Variants in BRD10 observed in about 807,000 individuals in gnomAD.
The protein encoded by BRD10 is uncharacterized bromodomain-containing protein 10.
the BRD10 span, among the ~76,000 whole-genome samples, chr9:5,993,312 T>TTA: frequency 8.6e-6 from 1 of 116,676 alleles, no homozygotes; most frequent in Non-Finnish European, 1.6e-5. Flanking sequence ...GAGACTCCAT[T>TTA]AAAAAAAAAA....
chr9:5,968,498 T>A, the BRD10 span: 4 of 1,611,418 alleles, frequency 2.5e-6, no homozygotes, highest in Non-Finnish European at 3.4e-6. Flanking sequence ...TTTTTTAATT[T>A]CACAAGGCCT....
chr9:5,921,082 A>G, the BRD10 span: 12 of 1,613,938 alleles, frequency 7.4e-6, no homozygotes, highest in Non-Finnish European at 1.0e-5. Context: ...ATTCATTAAC[A>G]GGGGTAATAT....
chr9:5,922,732 C>G, the BRD10 span: 2 of 1,613,994 alleles, frequency 1.2e-6, no homozygotes, highest in East Asian at 4.5e-5. Flanking sequence ...CCACCATAGG[C>G]TGCACCTGAA....
the BRD10 span, among the ~76,000 whole-genome samples, chr9:5,937,549 TAAAA>T: frequency 6.6e-6 from 1 of 151,624 alleles, no homozygotes; most frequent in African/African-American, 2.4e-5. Flanking sequence ...AAAAAGAAAA[TAAAA>T]AGAAAAAGAA....
At chr9:5,927,876 C>A in the BRD10 span, among the ~76,000 whole-genome samples, 1 of 151,880 alleles carries the variant, frequency 6.6e-6, no homozygotes, top group African/African-American at 2.4e-5. Flanking sequence ...TGATTTCTAC[C>A]AGCCTTATGT....
At chr9:5,921,527 A>C in the BRD10 span, 18 of 1,613,772 alleles carry the variant, frequency 1.1e-5, no homozygotes, top group Non-Finnish European at 1.4e-5. Flanking sequence ...TGTCATATTA[A>C]TTGCAGTTCC....
the BRD10 span, among the ~76,000 whole-genome samples, chr9:5,985,471 AG>A: frequency 2.2e-4 from 33 of 152,326 alleles, no homozygotes; most frequent in East Asian, 3.9e-3. Context: ...TATCTGACAA[AG>A]GGCTTATATC....
chr9:5,988,345 C>G, the BRD10 span: 1 of 1,606,354 alleles, frequency 6.2e-7, no homozygotes, highest in African/African-American at 1.3e-5. Flanking sequence ...TAACATTTAC[C>G]TTTTTTCTTC....
the BRD10 span, among the ~76,000 whole-genome samples, chr9:5,934,116 A>C: frequency 1.3e-5 from 2 of 152,190 alleles, no homozygotes; most frequent in African/African-American, 4.8e-5. Context: ...AAAATATACA[A>C]AGAATGCTTT....
chr9:5,936,679 A>G, the BRD10 span, among the ~76,000 whole-genome samples: 1 of 152,220 alleles, frequency 6.6e-6, no homozygotes, highest in Non-Finnish European at 1.5e-5. Flanking sequence ...GAGTTTTGAC[A>G]TAATTTCCCA....
the BRD10 span, among the ~76,000 whole-genome samples, chr9:5,981,285 T>C: frequency 6.6e-6 from 1 of 152,240 alleles, no homozygotes; most frequent in Non-Finnish European, 1.5e-5. Flanking sequence ...TCAATAGAAG[T>C]ATCTTCTCAA....
chr9:5,963,865 A>C, the BRD10 span, among the ~76,000 whole-genome samples: 4 of 151,888 alleles, frequency 2.6e-5, no homozygotes, highest in South Asian at 6.3e-4. Context: ...TAGGAAGCTG[A>C]AACTGGATCC....
the BRD10 span, among the ~76,000 whole-genome samples, chr9:5,991,310 T>C: frequency 6.6e-6 from 1 of 152,172 alleles, no homozygotes; most frequent in Non-Finnish European, 1.5e-5. Flanking sequence ...AGTGTGTCTG[T>C]ACACGCATGA....
chr9:5,991,102 AAAG>A, the BRD10 span, among the ~76,000 whole-genome samples: 60 of 152,212 alleles, frequency 3.9e-4, 1 homozygote, highest in African/African-American at 1.2e-3. Flanking sequence ...TAAATGTAAA[AAAG>A]AAGTTTCTGA....
chr9:5,939,085 T>G, the BRD10 span, among the ~76,000 whole-genome samples: 1 of 152,110 alleles, frequency 6.6e-6, no homozygotes, highest in Non-Finnish European at 1.5e-5. Flanking sequence ...TCCATTATCC[T>G]TCAATAGAAT....
the BRD10 span, among the ~76,000 whole-genome samples, chr9:5,903,794 AAACT>A: frequency 1.3e-5 from 2 of 152,162 alleles, no homozygotes; most frequent in African/African-American, 4.8e-5. Context: ...TCTCCTTCTG[AAACT>A]AATATAGGAA....
chr9:5,943,565 C>G, the BRD10 span, among the ~76,000 whole-genome samples: 1 of 150,658 alleles, frequency 6.6e-6, no homozygotes, highest in Non-Finnish European at 1.5e-5. Context: ...AAAAAACCCT[C>G]TGGCTACAGA....
chr9:5,937,399 G>A, the BRD10 span, among the ~76,000 whole-genome samples: 1 of 151,976 alleles, frequency 6.6e-6, no homozygotes, highest in African/African-American at 2.4e-5. Context: ...GCTGGGCGTG[G>A]TGGCACATGC....
At chr9:5,953,939 CAGCCAAACTCTCG>C in the BRD10 span, 1 of 805,870 alleles carries the variant, frequency 1.2e-6, no homozygotes, top group Non-Finnish European at 2.1e-6. Flanking sequence ...TCTTGGAATT[CAGCCAAACTCTCG>C]AGGAATGATA....
Sources: allele counts gnomAD v4.1 joint callset (sites outside exome capture counted in the v4.1 genomes callset), GRCh38; gene constraint gnomAD v4.1.1; transcripts MANE v1.5; gene names NCBI Gene and HGNC (gene_info 2026-07-23, HGNC 2026-07-21).